The following PRELID2 variants were observed in gnomAD, a reference collection of about 807,000 sequenced individuals.
PRELID2 encodes PRELI domain-containing protein 2.
Under a neutral mutation model 28.4 loss-of-function variants are expected in PRELID2, and 25 were observed. The ratio of observed to expected loss-of-function variants is 0.88; its 90% CI spans 0.64 to 1.23. The LOEUF (loss-of-function observed/expected upper bound fraction) is 1.23. Among genes scored for constraint, PRELID2 ranks in the 50% most tolerant of loss-of-function variants. PRELID2 has a pLI of 0.00. For missense variants in PRELID2, 201 were observed against 214.4 expected (o/e 0.94, Z 0.39); for synonymous variants, 76 against 71.6 (o/e 1.06, Z -0.31).
chr5:145,417,313 A>T, the PRELID2 span, among the ~76,000 whole-genome samples: 37 of 152,322 alleles, frequency 2.4e-4, no homozygotes, highest in East Asian at 3.9e-3. Flanking sequence ...GAATTCTACC[A>T]AAGGTACAAA....
chr5:145,365,612 T>C, the PRELID2 span, among the ~76,000 whole-genome samples: 2 of 151,912 alleles, frequency 1.3e-5, no homozygotes, highest in African/African-American at 4.8e-5. Flanking sequence ...CAATAATGTA[T>C]TGAAATAACT....
the PRELID2 span, among the ~76,000 whole-genome samples, chr5:145,361,008 A>G: frequency 6.6e-6 from 1 of 152,200 alleles, no homozygotes; most frequent in Non-Finnish European, 1.5e-5. Context: ...CCCACCTACA[A>G]GGTTGTTAAA....
intron 5 of PRELID2, among the ~76,000 whole-genome samples, chr5:145,779,778 G>A (rs912274094): frequency 6.6e-6 from 1 of 152,062 alleles, no homozygotes; most frequent in Non-Finnish European, 1.5e-5. Context: ...CCAGAGAGAG[G>A]TTAAGTTCAT....
At position 145,729,650 on chromosome 5, in the gene PRELID2, A is replaced by T. The variant is rs115521934; in HGVS notation, n.70+35281T>A. Among the ~76,000 whole-genome samples, 948 of 152,298 alleles carry T rather than the reference A, an allele frequency of 6.2e-3. 14 individuals carry two copies. Among genetic ancestry groups the T allele is most frequent in the African/African-American group, 0.021 (874 of 41,556 alleles). The stretch of plus-strand genomic sequence containing the variant: ...CTTTCCCACTGAGCTTCTTTCAGTC[A>T]TCCTTGGGTGTCCGTTGACGATGCG... On this transcript the variant is annotated intron_variant and non_coding_transcript_variant, in intron 1 of 2. Coordinates refer to the PRELID2 transcript ENST00000510259.
chr5:145,615,064 T>C (rs1753674644), intron 1 of PRELID2, among the ~76,000 whole-genome samples: 1 of 152,312 alleles, frequency 6.6e-6, no homozygotes, highest in Admixed American at 6.5e-5. Flanking sequence ...CTATTAGTAA[T>C]TGTTTTATGA....
chr5:145,504,999 C>G (rs776332363), intron 1 of PRELID2, among the ~76,000 whole-genome samples: 3 of 152,126 alleles, frequency 2.0e-5, no homozygotes, highest in Non-Finnish European at 4.4e-5. Context: ...TCTTCACATA[C>G]TTAAGCAAGC....
At chr5:145,638,597 T>A (rs1754043524) in intron 1 of PRELID2, among the ~76,000 whole-genome samples, 1 of 152,272 alleles carries the variant, frequency 6.6e-6, no homozygotes, top group South Asian at 2.1e-4. Context: ...GTTTGTTGAG[T>A]GAGTGAAGGA....
chr5:145,338,678 T>C, the PRELID2 span, among the ~76,000 whole-genome samples: 1 of 152,356 alleles, frequency 6.6e-6, no homozygotes, highest in East Asian at 1.9e-4. Context: ...TTTTTGAGTC[T>C]TTACTCTGTG....
chr5:145,789,090 T>C (rs901488746), intron 5 of PRELID2, among the ~76,000 whole-genome samples: 5 of 152,110 alleles, frequency 3.3e-5, no homozygotes, highest in African/African-American at 1.2e-4. Flanking sequence ...AATCTACAGA[T>C]TCAATGCAAT....
At chr5:145,752,003 C>T (rs1757135834), downstream of PRELID2, among the ~76,000 whole-genome samples, 1 of 151,944 alleles carries the variant, frequency 6.6e-6, no homozygotes, top group African/African-American at 2.4e-5. Context: ...AAGTTTTTGT[C>T]GGTCTATGCT....
At chr5:145,360,446 G>A in the PRELID2 span, among the ~76,000 whole-genome samples, 1 of 152,250 alleles carries the variant, frequency 6.6e-6, no homozygotes, top group South Asian at 2.1e-4. Context: ...GGTCCAGCAA[G>A]ATGACATAGG....
rs1054754548 is a variant in PRELID2 at position 145,795,304 on chromosome 5, G to A, written c.474+1138C>T. On this transcript the variant is annotated intron_variant, in intron 5 of 6. Transcript: ENST00000683046. ...GAGTAAAGGTGACATAAGATCTTCC[G>A]GAAGTTCAACTACTCCCTTCAAGTC... is the stretch of plus-strand genomic sequence containing the variant. The A allele has an allele frequency of 7.9e-5, 12 of 152,072 alleles. No individual in the cohort carries two copies. The South Asian group carries it at 1.0e-3, about 13-fold the overall frequency. The allele number at this position is 152,072 out of a possible 1,614,324, so 9.4% of individuals were successfully genotyped here.
chr5:145,516,151 C>G (rs1752514759), intron 1 of PRELID2, among the ~76,000 whole-genome samples: 1 of 152,070 alleles, frequency 6.6e-6, no homozygotes. Context: ...GGCAATCAGG[C>G]AAGAGAAAGA....
chr5:145,778,321 C>A (rs1351855944), intron 5 of PRELID2, among the ~76,000 whole-genome samples: 3 of 152,102 alleles, frequency 2.0e-5, no homozygotes, highest in African/African-American at 7.2e-5. Context: ...GACTGGACGA[C>A]CTGCCTGCAG....
chr5:145,322,017 G>A, the PRELID2 span, among the ~76,000 whole-genome samples: 276 of 152,186 alleles, frequency 1.8e-3, 2 homozygotes, highest in Non-Finnish European at 8.7e-4. Context: ...TCATTTTATG[G>A]TCTGGAGTCT....
chr5:145,703,648 G>A (rs1037579015), intron 1 of PRELID2, among the ~76,000 whole-genome samples: 1 of 152,190 alleles, frequency 6.6e-6, no homozygotes, highest in South Asian at 2.1e-4. Flanking sequence ...GTCCATTACA[G>A]TCTAATCCTT....
chr5:145,702,873 C>T (rs192957092), intron 1 of PRELID2, among the ~76,000 whole-genome samples: 1 of 152,100 alleles, frequency 6.6e-6, no homozygotes, highest in Non-Finnish European at 1.5e-5. Flanking sequence ...TTGAGTTCCA[C>T]AATCACTAGA....
chr5:145,322,590 A>G, the PRELID2 span, among the ~76,000 whole-genome samples: 2 of 152,230 alleles, frequency 1.3e-5, no homozygotes, highest in Non-Finnish European at 2.9e-5. Flanking sequence ...AAACAAATGC[A>G]AATTAAATTT....
chr5:145,828,932 G>A (rs374974824), intron 1 of PRELID2, among the ~76,000 whole-genome samples: 185 of 147,598 alleles, frequency 1.3e-3, no homozygotes, highest in African/African-American at 4.2e-3. Flanking sequence ...TCTGCCTCCC[G>A]GCTCAAGCGA....
Sources: allele counts gnomAD v4.1 joint callset (sites outside exome capture counted in the v4.1 genomes callset), GRCh38; gene constraint gnomAD v4.1.1; transcripts MANE v1.5; gene names NCBI Gene and HGNC (gene_info 2026-07-23, HGNC 2026-07-21).